Variants in GNL3L observed in about 807,000 individuals in gnomAD.
GNL3L encodes G protein nucleolar 3 like, also known as guanine nucleotide-binding protein-like 3-like protein.
Under a neutral mutation model 42.9 loss-of-function variants are expected in GNL3L, and 4 were observed. The ratio of observed to expected loss-of-function variants is 0.09; its 90% CI spans 0.05 to 0.21. The LOEUF (loss-of-function observed/expected upper bound fraction) is 0.21, where lower values mean the gene tolerates loss of function less well. GNL3L is among the 10% of genes least tolerant of loss of function. GNL3L has a pLI of 1.00. For missense variants in GNL3L, 412 were observed against 481.7 expected, an observed-to-expected ratio of 0.86 and a Z score of 1.36; for synonymous variants, 159 against 176.3, an observed-to-expected ratio of 0.90 and a Z score of 0.78.
At chrX:54,621,949 C>G (rs973800238), downstream of GNL3L, among the ~76,000 whole-genome samples, 1 of 111,659 alleles carries the variant, frequency 9.0e-6, no homozygotes, top group Non-Finnish European at 1.9e-5. Flanking sequence ...TATCTGGTTC[C>G]TTTTTCAGCA....
chrX:54,576,832 T>C (rs1431155041), intron 16 of GNL3L, among the ~76,000 whole-genome samples: 1 of 112,064 alleles, frequency 8.9e-6, no homozygotes, highest in Non-Finnish European at 1.9e-5. Context: ...TTTGTTTCTA[T>C]TTATCTCATG....
intron 16 of GNL3L, among the ~76,000 whole-genome samples, chrX:54,589,845 A>G (rs1417648933): frequency 9.0e-6 from 1 of 111,373 alleles, no homozygotes; most frequent in Non-Finnish European, 1.9e-5. Flanking sequence ...ACTAATTTAC[A>G]TTCCCATCAA....
At chrX:54,602,847 T>G (rs1201793352) in intron 16 of GNL3L, among the ~76,000 whole-genome samples, 1 of 111,514 alleles carries the variant, frequency 9.0e-6, no homozygotes, top group Non-Finnish European at 1.9e-5. Context: ...GCCTACAATC[T>G]TAGCAAACTT....
chrX:54,612,174 T>C (rs1034589617), intron 16 of GNL3L, among the ~76,000 whole-genome samples: 1 of 112,394 alleles, frequency 8.9e-6, no homozygotes, highest in Admixed American at 9.4e-5. Flanking sequence ...CATTATATAA[T>C]GTCCCTCTTT....
At chrX:54,635,644 C>T in the GNL3L span, among the ~76,000 whole-genome samples, 3 of 109,457 alleles carry the variant, frequency 2.7e-5, no homozygotes, top group Non-Finnish European at 5.7e-5. Context: ...TTAGGAAGAC[C>T]GTTTTTTTGT....
chrX:54,630,152 C>T, the GNL3L span, among the ~76,000 whole-genome samples: 4 of 108,927 alleles, frequency 3.7e-5, no homozygotes, highest in Non-Finnish European at 7.7e-5. Flanking sequence ...GTCTTCTTTT[C>T]TCGGTGAATC....
At chrX:54,571,491 G>A (rs1032737113), downstream of GNL3L, among the ~76,000 whole-genome samples, 11 of 102,424 alleles carry the variant, frequency 1.1e-4, no homozygotes, top group African/African-American at 3.6e-4. Context: ...GAGCCACTGC[G>A]CCCGGCCTTT....
intron 16 of GNL3L, among the ~76,000 whole-genome samples, chrX:54,608,067 G>T (rs931329371): frequency 2.7e-5 from 3 of 111,629 alleles, no homozygotes; most frequent in Non-Finnish European, 5.7e-5. Context: ...GATATATAAG[G>T]ATACAAACAT....
chrX:54,535,622 C>G (rs7883978), intron 2 of GNL3L, among the ~76,000 whole-genome samples: 1,299 of 111,811 alleles, frequency 0.012, 17 homozygotes, highest in African/African-American at 0.041. Context: ...GTAACCTACC[C>G]TTTCAAAATG....
At chrX:54,609,707 T>C (rs1339564813) in intron 16 of GNL3L, among the ~76,000 whole-genome samples, 1 of 112,205 alleles carries the variant, frequency 8.9e-6, no homozygotes, top group Admixed American at 9.5e-5. Context: ...CATTGATCTA[T>C]GTGCCTATTT....
chrX:54,639,671 T>C, the GNL3L span, among the ~76,000 whole-genome samples: 5 of 110,774 alleles, frequency 4.5e-5, no homozygotes, highest in African/African-American at 1.6e-4. Flanking sequence ...GTCGCCACTT[T>C]AAAAAAAACA....
At chrX:54,631,663 T>C in the GNL3L span, among the ~76,000 whole-genome samples, 2 of 111,675 alleles carry the variant, frequency 1.8e-5, no homozygotes, top group Admixed American at 9.6e-5. Flanking sequence ...AAACCTTATG[T>C]GTTAGGTGAG....
chrX:54,547,383 T>G (rs1321932749), intron 8 of GNL3L, among the ~76,000 whole-genome samples: 2 of 111,470 alleles, frequency 1.8e-5, no homozygotes, highest in African/African-American at 6.5e-5. Context: ...GATGGATATA[T>G]AGGCTAATTC....
intron 16 of GNL3L, among the ~76,000 whole-genome samples, chrX:54,589,558 A>T (rs772095254): frequency 4.5e-5 from 5 of 112,031 alleles, no homozygotes; most frequent in Non-Finnish European, 9.4e-5. Context: ...ATGTTGTTGC[A>T]AATGACTGGA....
At chrX:54,603,671 T>C (rs893796134) in intron 16 of GNL3L, among the ~76,000 whole-genome samples, 3 of 111,228 alleles carry the variant, frequency 2.7e-5, no homozygotes, top group Non-Finnish European at 5.7e-5. Context: ...CATCTAATCA[T>C]GAGGAAGCAT....
chrX:54,614,643 C>T (rs1569542689), intron 16 of GNL3L, among the ~76,000 whole-genome samples: 1 of 111,221 alleles, frequency 9.0e-6, no homozygotes, highest in Non-Finnish European at 1.9e-5. Context: ...TAAATTGACT[C>T]AACTCCAGGT....
rs769304635 is a variant in GNL3L, at chrX:54,614,805, T to G, written c.*46-6040T>G. 5.0e-3 allele frequency among the ~76,000 whole-genome samples: 554 copies of G among 111,447 alleles called. 3 individuals are homozygous for G. Among genetic ancestry groups the G allele is most frequent in the Non-Finnish European group, 9.1e-3 (484 of 53,100 alleles). On this transcript the variant is annotated intron_variant, in intron 16 of 16. Coordinates refer to the GNL3L transcript ENST00000674498. ...GGTCCTGCAGGTGCAGTCTGCTTCC[T>G]TCAGAGGGTCTTTGGGTCCTCTTGG...
chrX:54,581,211 T>C (rs1341284742), intron 16 of GNL3L, among the ~76,000 whole-genome samples: 3 of 112,262 alleles, frequency 2.7e-5, no homozygotes, highest in African/African-American at 9.7e-5. Context: ...ATATTGATAT[T>C]GATAAAGTCA....
chrX:54,574,005 C>T (rs1415584002), intron 16 of GNL3L, among the ~76,000 whole-genome samples: 2 of 111,152 alleles, frequency 1.8e-5, no homozygotes, highest in Non-Finnish European at 3.8e-5. Context: ...ACAGTTTGAT[C>T]GTTTTGGGTC....
Sources: allele counts gnomAD v4.1 joint callset (sites outside exome capture counted in the v4.1 genomes callset), GRCh38; gene constraint gnomAD v4.1.1; transcripts MANE v1.5; gene names NCBI Gene and HGNC (gene_info 2026-07-23, HGNC 2026-07-21).